The following PKHD1L1 variants were observed in gnomAD, a reference collection of about 807,000 sequenced individuals.
The protein encoded by PKHD1L1 is fibrocystin-L.
In PKHD1L1, 434 loss-of-function variants were observed where a neutral mutation model predicts 462.9. That is an observed-to-expected ratio of 0.94 (90% CI 0.87 to 1.02). The LOEUF (loss-of-function observed/expected upper bound fraction) is 1.02, where lower values mean the gene tolerates loss of function less well. PKHD1L1 is among the 50% of genes least tolerant of loss of function. PKHD1L1 has a pLI of 0.00. For synonymous variants in PKHD1L1, 1,781 were observed against 1,750.0 expected (o/e 1.02, Z -0.44); for missense variants, 5,202 against 5,096.1 (o/e 1.02, Z -0.63).
intron 2 of PKHD1L1, among the ~76,000 whole-genome samples, chr8:109,376,692 A>C (rs998009231): frequency 6.6e-6 from 1 of 152,194 alleles, no homozygotes; most frequent in African/African-American, 2.4e-5. Flanking sequence ...GCAGGTGTCT[A>C]CTGAGATCTT....
Position 109,449,342 on chromosome 8 carries a change from C to A in PKHD1L1, c.6030C>A (p.Ser2010Arg), listed in dbSNP as rs752861877. ...CTTTTTATTTGTCTTCACTAGGGAG[C>A]TTTGGTGGGGGTCAAACCATGACTG... Reference protein sequence around the residue: ...NIQNINPSQGSFGGGQTMTVT... With the variant: ...NIQNINPSQGRFGGGQTMTVT... Residue 2010 changes from serine to arginine, a missense_variant, in exon 40 of 78, where the codon AGC (serine) becomes AGA (arginine). Around this residue, in one of 3 missense-constraint regions of PKHD1L1, gnomAD observed 4,497 missense variants for 4,336.8 expected, o/e 1.04. Transcript: ENST00000378402. The A allele has an allele frequency of 1.3e-5, 21 of 1,570,552 alleles. No individual in the cohort carries two copies. The East Asian group carries it at 4.7e-4, about 35-fold the overall frequency.
chr8:109,441,162 G>GT (rs980784999), intron 33 of PKHD1L1, 113 bp from the exon 34 acceptor site: 149 of 744,716 alleles, frequency 2.0e-4, no homozygotes, highest in Non-Finnish European at 2.2e-4. Context: ...ATAAGGCAGA[G>GT]TTTTTTTTAG....
chr8:109,405,248 C>T, intron 16 of PKHD1L1, 118 bp downstream of exon 16: 1 of 598,154 alleles, frequency 1.7e-6, no homozygotes, highest in South Asian at 6.3e-5. Flanking sequence ...ATATGCTAGA[C>T]AAAGAAGCAG....
chr8:109,394,382 T>C, intron 9 of PKHD1L1, 33 bp from the exon 10 acceptor site: 1 of 1,371,714 alleles, frequency 7.3e-7, no homozygotes, highest in East Asian at 2.5e-5. Flanking sequence ...TTAAAGATCA[T>C]TTAAAGCAGA....
intron 46 of PKHD1L1, among the ~76,000 whole-genome samples, chr8:109,458,293 T>C (rs929854223): frequency 3.3e-5 from 5 of 152,120 alleles, no homozygotes; most frequent in African/African-American, 1.2e-4. Flanking sequence ...CTTTCTCTGC[T>C]CTCAGTTTGA....
In PKHD1L1 at chr8:109,490,017, G is replaced by A; in HGVS notation, c.9946G>A (p.Asp3316Asn). 1 of 1,608,658 alleles carries A rather than the reference G, an allele frequency of 6.2e-7. No individual in the cohort carries two copies. The highest frequency in any genetic ancestry group is 8.5e-7 in the Non-Finnish European group (1 of 1,176,132). ...SGQEGFRDST[D>N]PRYAVTFLNL... ...TCAAGAAGGCTTCAGGGATAGCACAGATCCAAGATATGCTGTAACGTTTCT... is the reference window on the plus strand; with the variant it reads ...TCAAGAAGGCTTCAGGGATAGCACAAATCCAAGATATGCTGTAACGTTTCT... The change falls in exon 60 of 78, where the codon GAT becomes AAT. Residue 3316 changes from aspartate to asparagine, a missense_variant. Physicochemically the swap from Asp to Asn is conservative, Grantham distance 23. Transcript: ENST00000378402.
rs1051417710 is a variant in PKHD1L1 at position 109,452,963 on chromosome 8, C to T, written c.6664+89C>T. 5 of 1,106,488 alleles carry T rather than the reference C, an allele frequency of 4.5e-6. No individual in the cohort carries two copies. In the African/African-American group the frequency reaches 6.6e-5, roughly 15 times the overall value. The allele number at this position is 1,106,488 out of a possible 1,614,324, so 68.5% of individuals were successfully genotyped here. On this transcript the variant is annotated intron_variant, in intron 43 of 77. Coordinates refer to ENST00000378402, the MANE Select transcript of PKHD1L1 (RefSeq NM_177531.6). The stretch of plus-strand genomic sequence containing the variant: ...ATCAAAATCCACAATTATGAACAAA[C>T]ATAGTTGCACTATCTTTTTAATATA...
intron 53 of PKHD1L1, 49 bp from the exon 54 acceptor site, chr8:109,479,502 G>T: frequency 8.4e-7 from 1 of 1,191,826 alleles, no homozygotes; most frequent in Non-Finnish European, 1.2e-6. Flanking sequence ...ACAAAATTAG[G>T]GAATATCACA....
At chr8:109,414,923 C>T (rs1814055334) in intron 21 of PKHD1L1, among the ~76,000 whole-genome samples, 1 of 151,414 alleles carries the variant, frequency 6.6e-6, no homozygotes, top group African/African-American at 2.4e-5. Context: ...CTGCTCAAAT[C>T]TGCAATTTCA....
rs1272260904 is a variant in PKHD1L1 at position 109,464,479 on chromosome 8, T to C, written c.7647T>C (p.Ser2549=). The C allele has an allele frequency of 1.2e-6, 2 of 1,613,772 alleles. No homozygotes were observed. The highest frequency in any genetic ancestry group is 1.7e-5 in the Admixed American group (1 of 59,960). ...QYNLAVFVQQ[S]TSLLNDDVTP... ...ACTTGGCAGTATTTGTACAGCAAAGTACCAGTCTTCTGAATGATGATGTGA... is the reference window on the plus strand; with the variant it reads ...ACTTGGCAGTATTTGTACAGCAAAGCACCAGTCTTCTGAATGATGATGTGA... Residue 2549 remains serine, a synonymous_variant, in exon 49 of 78, where the codon AGT becomes AGC. Transcript: ENST00000378402.
intron 9 of PKHD1L1, among the ~76,000 whole-genome samples, chr8:109,393,024 A>AAATTTT (rs1812785292): frequency 6.6e-6 from 1 of 152,196 alleles, no homozygotes; most frequent in Admixed American, 6.5e-5. Flanking sequence ...TTCAGGAGGC[A>AAATTTT]ATTTCCCCAC....
At chr8:109,479,960 A>G (rs1171975071) in intron 54 of PKHD1L1, 31 bp from the exon 55 acceptor site, 1 of 1,521,128 alleles carries the variant, frequency 6.6e-7, no homozygotes. Flanking sequence ...TTTATGGATT[A>G]TGTTATATTT....
chr8:109,471,594 T>TTA (rs1378366777), intron 50 of PKHD1L1, among the ~76,000 whole-genome samples: 18 of 152,214 alleles, frequency 1.2e-4, no homozygotes, highest in Non-Finnish European at 2.1e-4. Context: ...CCGAATTTGG[T>TTA]TCACATGTGT....
intron 25 of PKHD1L1, 32 bp downstream of exon 25, chr8:109,427,188 T>C (rs775657630): frequency 2.3e-5 from 35 of 1,534,084 alleles, no homozygotes; most frequent in Non-Finnish European, 2.8e-5. Context: ...TCTCTTTTCT[T>C]CTATGTGCTG....
rs1222164260 is a variant in PKHD1L1, at chr8:109,408,294, T to C, written c.1971+88T>C. 9 of 1,233,536 alleles carry C rather than the reference T, an allele frequency of 7.3e-6. No homozygotes were observed. In the South Asian group the frequency reaches 1.2e-4, roughly 16 times the overall value. 76.4% of individuals were successfully genotyped at this position (1,233,536 alleles called of 1,614,324 possible). ...CATTTGTAGACAGATGGGAAAGAGA[T>C]GTTACTTCAAAAAAAATCACTGCAA... On this transcript the variant is annotated intron_variant, in intron 18 of 77. Transcript: ENST00000378402.
At position 109,385,592 on chromosome 8, in the gene PKHD1L1, T is replaced by C. The variant is rs751650590; in HGVS notation, c.531T>C (p.Ile177=). 2.5e-6 allele frequency: 4 copies of C among 1,606,120 alleles called. No individual in the cohort carries two copies. The East Asian group carries it at 9.0e-5, about 36-fold the overall frequency. ...TCACTGATGTCTATGGAAGTAATAT[T>C]GCACTAAGCTCAAATGGGAAAAATG... ...RIFTDVYGSN[I]ALSSNGKNVR... is the part of the protein sequence containing the mutation. Residue 177 remains isoleucine, a synonymous_variant, in exon 6 of 78, where the codon ATT becomes ATC. Coordinates refer to ENST00000378402, the MANE Select transcript of PKHD1L1 (RefSeq NM_177531.6).
rs937402296 is a variant in PKHD1L1 at position 109,531,445 on chromosome 8, C to T, written c.*1355C>T. Among the ~76,000 whole-genome samples, 5 of 150,700 alleles carry T rather than the reference C, an allele frequency of 3.3e-5. No individual in the cohort carries two copies. The highest frequency in any genetic ancestry group is 5.9e-5 in the Non-Finnish European group (4 of 67,552). ...GATCACTGTCTCAGGGAGAGAGAGA[C>T]AGAGAAAGACAGAGAGATAGAGACA... On this transcript the variant is annotated 3_prime_UTR_variant, in exon 78 of 78. Coordinates refer to ENST00000378402, the MANE Select transcript of PKHD1L1 (RefSeq NM_177531.6).
At chr8:109,491,791 A>C (rs902570355) in intron 61 of PKHD1L1, 82 bp from the exon 62 acceptor site, 6 of 1,256,032 alleles carry the variant, frequency 4.8e-6, no homozygotes, top group Non-Finnish European at 6.5e-6. Context: ...TGGAAAAATC[A>C]AAAGACATTA....
chr8:109,384,400 AGGCTTGGTGGC>A (rs1258165556), intron 5 of PKHD1L1, among the ~76,000 whole-genome samples: 1 of 152,036 alleles, frequency 6.6e-6, no homozygotes, highest in Non-Finnish European at 1.5e-5. Context: ...TAAATTAGCC[AGGCTTGGTGGC>A]AAGCACCTTT....
Sources: gnomAD v4.1 joint callset for allele counts (sites outside exome capture counted in the v4.1 genomes callset) on GRCh38, gnomAD v4.1.1 for gene constraint, gnomAD v4.1.1 regional missense constraint, MANE v1.5 for transcripts, NCBI Gene and HGNC (gene_info 2026-07-23, HGNC 2026-07-21) for gene names.